C1QTNF12: variants seen among roughly 807,000 people sequenced by gnomAD.
The protein encoded by C1QTNF12 is adipolin.
In C1QTNF12, 39 loss-of-function variants were observed where a neutral mutation model predicts 34.3. The ratio of observed to expected loss-of-function variants is 1.14; its 90% CI spans 0.88 to 1.49. C1QTNF12 has a LOEUF of 1.49. Among genes scored for constraint, C1QTNF12 ranks in the 40% most tolerant of loss-of-function variants. The pLI is 0.00. For missense variants in C1QTNF12, 497 were observed against 424.7 expected, an observed-to-expected ratio of 1.17 and a Z score of -1.50; for synonymous variants, 220 against 196.9, an observed-to-expected ratio of 1.12 and a Z score of -0.98.
Position 1,244,399 on chromosome 1 carries a change from T to TC in C1QTNF12, c.275dup (p.Ser93LysfsTer125), listed in dbSNP as rs1384729465. On this transcript the variant is annotated frameshift_variant, in exon 2 of 8. Transcript: ENST00000330388. LOFTEE classifies it high-confidence loss of function. ...GGCTCACCGGCTTCTTGTCCCTGCTTCCGCACCGCTTCCTTAAGGCGCCGT... is the reference window on the plus strand; with the variant it reads ...GGCTCACCGGCTTCTTGTCCCTGCTTCCCGCACCGCTTCCTTAAGGCGCCGT... 1.2e-6 allele frequency: 2 copies of TC among 1,611,640 alleles called. No homozygotes were observed. The highest frequency in any genetic ancestry group is 2.7e-5 in the African/African-American group (2 of 74,848).
chr1:1,246,771 C>T (rs1016921371), upstream of C1QTNF12: 48 of 1,066,648 alleles, frequency 4.5e-5, no homozygotes, highest in African/African-American at 7.1e-4. The surrounding 1 kb of genome is among the most constrained non-coding windows in gnomAD (Gnocchi z 4.5). Context: ...TCAGAGCCCC[C>T]GCGCGGGGGC....
At position 1,246,028 on chromosome 1, in the gene C1QTNF12, G is replaced by A. The variant is rs1368601343; in HGVS notation, c.177+486C>T. ...TGGGGCCCCAGGACTTAACCCGCAA[G>A]AGGGGGTGCTAGCTACACAGGACCC... On this transcript the variant is annotated intron_variant, in intron 1 of 7. Transcript: ENST00000330388. This position sits in a 1 kb window ranked among gnomAD's most constrained non-coding sequence, Gnocchi z 4.5. Among the ~76,000 whole-genome samples, 2 of 152,104 alleles carry A rather than the reference G, an allele frequency of 1.3e-5. No individual in the cohort carries two copies. Among genetic ancestry groups the A allele is most frequent in the African/African-American group, 4.8e-5 (2 of 41,412 alleles).
chr1:1,246,766 G>GCC, upstream of C1QTNF12: 1 of 1,102,528 alleles, frequency 9.1e-7, no homozygotes. This position sits in a 1 kb window ranked among gnomAD's most constrained non-coding sequence, Gnocchi z 4.5. Context: ...GGCGCTCAGA[G>GCC]CCCCCGCGCG....
intron 1 of C1QTNF12, 185 bp from the exon 2 acceptor site, chr1:1,244,682 G>A (rs1384227597): frequency 5.7e-5 from 34 of 592,960 alleles, no homozygotes; most frequent in South Asian, 4.5e-4. Flanking sequence ...GCAGGCATGC[G>A]GGGCTTCTGT....
At chr1:1,246,888 C>G (rs1396649161), upstream of C1QTNF12, among the ~76,000 whole-genome samples, 1 of 152,026 alleles carries the variant, frequency 6.6e-6, no homozygotes, top group Non-Finnish European at 1.5e-5. The surrounding 1 kb of genome is among the most constrained non-coding windows in gnomAD (Gnocchi z 4.5). Flanking sequence ...CTCCAGCCCC[C>G]GCTCCCAGCC....
chr1:1,243,358 G>A (rs1028925562), intron 5 of C1QTNF12, 86 bp downstream of exon 5: 17 of 1,301,996 alleles, frequency 1.3e-5, no homozygotes, highest in Admixed American at 4.1e-5. Flanking sequence ...AACAGGACCC[G>A]CACCCGGGGC....
At chr1:1,243,623 G>A in intron 4 of C1QTNF12, 71 bp from the exon 5 acceptor site, 2 of 1,315,730 alleles carry the variant, frequency 1.5e-6, no homozygotes, top group Admixed American at 2.1e-5. Flanking sequence ...CCTGGGGAAG[G>A]TGCCTGCAAC....
intron 1 of C1QTNF12, 25 bp from the exon 2 acceptor site, chr1:1,244,522 G>T: frequency 6.5e-7 from 1 of 1,536,364 alleles, no homozygotes; most frequent in Non-Finnish European, 9.0e-7. Flanking sequence ...CGGGGCTAGC[G>T]CACTGAGGCT....
intron 5 of C1QTNF12, 35 bp from the exon 6 acceptor site, chr1:1,243,187 G>T (rs1263981553): frequency 5.1e-6 from 5 of 986,868 alleles, no homozygotes; most frequent in Non-Finnish European, 7.6e-6. Context: ...TGGTGCATGG[G>T]GGGCGGGGTG....
rs767386845 is a variant in C1QTNF12, at chr1:1,242,962, G to A, written c.732-49C>T. On this transcript the variant is annotated intron_variant, in intron 6 of 7. Coordinates refer to ENST00000330388, the MANE Select transcript of C1QTNF12 (RefSeq NM_001014980.3). ...GAGGGAGGCGTTGCAGGTCCAGGGG[G>A]CCAAGACCTGCTCCAGTGCCCAGAG... The A allele has an allele frequency of 3.8e-6, 6 of 1,582,622 alleles. No homozygotes were observed. The Admixed American group carries it at 7.0e-5, about 18-fold the overall frequency.
intron 4 of C1QTNF12, 123 bp from the exon 5 acceptor site, chr1:1,243,675 G>T: frequency 1.2e-6 from 1 of 868,286 alleles, no homozygotes; most frequent in Non-Finnish European, 1.8e-6. Context: ...GGACCCTCAC[G>T]CTCACTGTGG....
chr1:1,246,773 CG>C (rs1638904314), upstream of C1QTNF12: 1 of 1,063,824 alleles, frequency 9.4e-7, no homozygotes, highest in East Asian at 3.8e-5. This position sits in a 1 kb window ranked among gnomAD's most constrained non-coding sequence, Gnocchi z 4.5. Flanking sequence ...AGAGCCCCCG[CG>C]CGGGGGCGAG....
chr1:1,243,633 C>T, intron 4 of C1QTNF12, 81 bp from the exon 5 acceptor site: 1 of 1,172,610 alleles, frequency 8.5e-7, no homozygotes, highest in Non-Finnish European at 1.2e-6. Context: ...GTGCCTGCAA[C>T]CGACAGCCCC....
chr1:1,244,170 G>T (rs1198013285), intron 3 of C1QTNF12, 21 bp downstream of exon 3: 1 of 1,565,828 alleles, frequency 6.4e-7, no homozygotes, highest in Non-Finnish European at 8.6e-7. Context: ...TCTGGTCTCT[G>T]GGCAGTGCAG....
chr1:1,242,721 C>T (rs1288422862), intron 7 of C1QTNF12, 75 bp from the exon 8 acceptor site: 21 of 1,550,596 alleles, frequency 1.4e-5, no homozygotes, highest in Non-Finnish European at 1.9e-5. Context: ...CCCACCTGCC[C>T]TGCGCTAGGA....
At chr1:1,244,796 C>T (rs1442579381) in intron 1 of C1QTNF12, 1 of 205,004 alleles carries the variant, frequency 4.9e-6, no homozygotes, top group Non-Finnish European at 8.8e-6. Flanking sequence ...CATCTCCCTC[C>T]TCCCCCACTC....
At position 1,246,661 on chromosome 1, in the gene C1QTNF12, C is replaced by G; in HGVS notation, c.30G>C (p.Val10=). 1 of 1,229,978 alleles carries G rather than the reference C, an allele frequency of 8.1e-7. No individual in the cohort carries two copies. Among genetic ancestry groups the G allele is most frequent in the Non-Finnish European group, 1.0e-6 (1 of 986,470 alleles). The allele number at this position is 1,229,978 out of a possible 1,614,324, so 76.2% of individuals were successfully genotyped here. The change falls in exon 1 of 8, where the codon GTG becomes GTC. Residue 10 remains valine, a synonymous_variant. Transcript: ENST00000330388. This position sits in a 1 kb window ranked among gnomAD's most constrained non-coding sequence, Gnocchi z 4.5. ...GCACGAGCTGCGGCCCGAGGAGGAC[C>G]ACGACCGCGGCCCAGGCCCAGCGCC... MRRWAWAAV[V]VLLGPQLVLL...
At position 1,246,197 on chromosome 1, in the gene C1QTNF12, T is replaced by C. The variant is rs1450803867; in HGVS notation, c.177+317A>G. On this transcript the variant is annotated intron_variant, in intron 1 of 7. Transcript: ENST00000330388. The surrounding 1 kb of genome is among the most constrained non-coding windows in gnomAD (Gnocchi z 4.5). ...GCCCCCAAATCAGCAATTAACCTAATAGCAACAGGTTCCTCAGAGCGCGGC... is the reference window on the plus strand; with the variant it reads ...GCCCCCAAATCAGCAATTAACCTAACAGCAACAGGTTCCTCAGAGCGCGGC... Among the ~76,000 whole-genome samples, 1 of 121,330 alleles carries C rather than the reference T, an allele frequency of 8.2e-6. No individual in the cohort carries two copies. Among genetic ancestry groups the C allele is most frequent in the East Asian group, 2.9e-4 (1 of 3,406 alleles). 79.6% of individuals were successfully genotyped at this position (121,330 alleles called of 152,430 possible). A position where few individuals can be genotyped will look rare whatever the true frequency, so the allele number is the denominator to read the frequency against.
Position 1,242,652 on chromosome 1 carries a change from A to G in C1QTNF12, c.811-6T>C. 6.3e-7 allele frequency: 1 copy of G among 1,587,838 alleles called. No individual in the cohort carries two copies. The highest frequency in any genetic ancestry group is 1.8e-5 in the Admixed American group (1 of 56,356). The stretch of plus-strand genomic sequence containing the variant: ...ACAGAAGCGTACTGTCCAGCCTGTA[A>G]GAAGCACGGGGACGTCACAACCGCA... On this transcript the variant is annotated splice_polypyrimidine_tract_variant and splice_region_variant and intron_variant, in intron 7 of 7. Transcript: ENST00000330388.
Sources: gnomAD v4.1 joint callset for allele counts (sites outside exome capture counted in the v4.1 genomes callset) on GRCh38, gnomAD v4.1.1 for gene constraint, Gnocchi (gnomAD v3.1) non-coding constraint, MANE v1.5 for transcripts, NCBI Gene and HGNC (gene_info 2026-07-23, HGNC 2026-07-21) for gene names.